Variants in TMC5 observed in about 807,000 individuals in gnomAD.
TMC5 encodes transmembrane channel like 5, also known as transmembrane channel-like protein 5.
In TMC5, 86 loss-of-function variants were observed where a neutral mutation model predicts 110.5. That is an observed-to-expected ratio of 0.78 (90% CI 0.65 to 0.93). The LOEUF (loss-of-function observed/expected upper bound fraction) is 0.93, where lower values mean the gene tolerates loss of function less well. TMC5 is among the 40% of genes least tolerant of loss of function. The pLI is 0.00. For synonymous variants in TMC5, 455 were observed against 439.5 expected (o/e 1.04, Z -0.44); for missense variants, 1,144 against 1,222.8 (o/e 0.94, Z 0.96).
At chr16:19,428,522 A>G (rs1236295900) in intron 1 of TMC5, among the ~76,000 whole-genome samples, 1 of 152,226 alleles carries the variant, frequency 6.6e-6, no homozygotes, top group Non-Finnish European at 1.5e-5. Flanking sequence ...ATTCAGTGTT[A>G]TAAGACGCAT....
At chr16:19,478,695 C>T (rs1968545177) in intron 13 of TMC5, among the ~76,000 whole-genome samples, 1 of 152,194 alleles carries the variant, frequency 6.6e-6, no homozygotes, top group African/African-American at 2.4e-5. Context: ...CGTATTCATT[C>T]ATGCATGCAT....
exon 1 of TMC5, chr16:19,411,149 A>C (rs1966854948): frequency 6.6e-6 from 1 of 152,276 alleles, no homozygotes; most frequent in Admixed American, 6.5e-5. Flanking sequence ...CCCGTTTCTC[A>C]GGTGCTTACT....
intron 6 of TMC5, chr16:19,462,463 A>G (rs1968047759): frequency 1.4e-6 from 1 of 698,478 alleles, no homozygotes; most frequent in Non-Finnish European, 2.6e-6. Flanking sequence ...TGGGTGATTT[A>G]TAAAGGAAAG....
intron 3 of TMC5, among the ~76,000 whole-genome samples, 161 bp from the exon 4 acceptor site, chr16:19,443,920 A>AATGGATGGATAC (rs1967549238): frequency 6.6e-6 from 1 of 151,498 alleles, no homozygotes; most frequent in Non-Finnish European, 1.5e-5. Flanking sequence ...TACATGATTG[A>AATGGATGGATAC]ATGGATGGAT....
chr16:19,452,158 G>A (rs149959169), intron 5 of TMC5, among the ~76,000 whole-genome samples: 1 of 152,156 alleles, frequency 6.6e-6, no homozygotes, highest in South Asian at 2.1e-4. Flanking sequence ...CCTTTGGTTT[G>A]GTTAATTTGC....
chr16:19,483,645 G>C (rs918067773), intron 15 of TMC5, among the ~76,000 whole-genome samples: 4 of 152,106 alleles, frequency 2.6e-5, no homozygotes, highest in Non-Finnish European at 2.9e-5. Flanking sequence ...AGGCGTGGTG[G>C]TGCATGCCTG....
At chr16:19,474,048 ATGGGAGACTTT>A in intron 11 of TMC5, 66 bp from the exon 12 acceptor site, 10 of 1,431,686 alleles carry the variant, frequency 7.0e-6, no homozygotes, top group Non-Finnish European at 9.4e-6. Flanking sequence ...GTTTTCTATC[ATGGGAGACTTT>A]TGAGTGAAGC....
intron 1 of TMC5, chr16:19,411,536 G>A (rs1230740582): frequency 2.0e-5 from 3 of 152,166 alleles, no homozygotes; most frequent in Non-Finnish European, 4.4e-5. Context: ...GTCAAACTCC[G>A]GAGACTGAAT....
intron 2 of TMC5, 132 bp from the exon 3 acceptor site, chr16:19,439,828 A>T: frequency 1.8e-6 from 1 of 546,494 alleles, no homozygotes. Flanking sequence ...ATCTAGAAAC[A>T]TAGTCTTTAT....
intron 4 of TMC5, among the ~76,000 whole-genome samples, chr16:19,444,922 G>A (rs1967578239): frequency 6.6e-6 from 1 of 152,208 alleles, no homozygotes; most frequent in Admixed American, 6.5e-5. Context: ...CCTGAGGTCA[G>A]GAGTTCGAGA....
At chr16:19,469,912 T>TTTTG in intron 10 of TMC5, 87 bp downstream of exon 10, 3 of 1,246,852 alleles carry the variant, frequency 2.4e-6, no homozygotes, top group Non-Finnish European at 2.2e-6. Context: ...TTTTTTTTTT[T>TTTTG]GAATTGGAGT....
intron 5 of TMC5, among the ~76,000 whole-genome samples, chr16:19,451,586 GA>G (rs1967750079): frequency 6.6e-6 from 1 of 151,966 alleles, no homozygotes; most frequent in African/African-American, 2.4e-5. Flanking sequence ...CATCAACACA[GA>G]AGGCTTCTGT....
At position 19,456,981 on chromosome 16, in the gene TMC5, T is replaced by C. The variant is rs774439163; in HGVS notation, c.1049-3254T>C. Reference sequence around the variant, plus strand: ...CTTCATAGCCTAGAATGCATGGGCATAGACACTCCTGGTTCTTCACATGAA... The same window carrying C: ...CTTCATAGCCTAGAATGCATGGGCACAGACACTCCTGGTTCTTCACATGAA... On this transcript the variant is annotated intron_variant, in intron 5 of 21. Coordinates refer to ENST00000542583, the MANE Select transcript of TMC5 (RefSeq NM_001261841.2). 5.0e-6 allele frequency: 8 copies of C among 1,613,440 alleles called. No individual in the cohort carries two copies. In the South Asian group the frequency reaches 7.7e-5, roughly 16 times the overall value.
chr16:19,410,540 G>C (rs1900627626), upstream of TMC5: 1 of 152,240 alleles, frequency 6.6e-6, no homozygotes, highest in Admixed American at 6.5e-5. Context: ...GTGGCCATCA[G>C]GTAAGGCTGG....
chr16:19,476,346 GAAGA>G (rs1484173017), intron 12 of TMC5, among the ~76,000 whole-genome samples: 2 of 151,986 alleles, frequency 1.3e-5, no homozygotes, highest in Middle Eastern at 3.2e-3. Flanking sequence ...GACCCTGTCG[GAAGA>G]AAGAAAGAGA....
intron 8 of TMC5, among the ~76,000 whole-genome samples, chr16:19,464,323 C>CTA (rs1282512017): frequency 3.3e-5 from 5 of 152,068 alleles, no homozygotes; most frequent in Non-Finnish European, 7.3e-5. Context: ...ACTCAGGAGG[C>CTA]TAAGGTAAGA....
chr16:19,426,378 C>A (rs2143384409), intron 1 of TMC5, among the ~76,000 whole-genome samples: 1 of 152,288 alleles, frequency 6.6e-6, no homozygotes, highest in South Asian at 2.1e-4. Context: ...GGGAGGATCC[C>A]TAGCCAAAGG....
chr16:19,442,761 C>CT (rs895445243), intron 3 of TMC5, among the ~76,000 whole-genome samples: 29 of 152,274 alleles, frequency 1.9e-4, no homozygotes, highest in African/African-American at 7.0e-4. Context: ...TGATAAAAAA[C>CT]TGGTGGCTTG....
rs536101288 is a variant in TMC5, at chr16:19,431,848, C to A, written c.-80+1208C>A. Among the ~76,000 whole-genome samples, 3 of 152,298 alleles carry A rather than the reference C, an allele frequency of 2.0e-5. No individual in the cohort carries two copies. In the South Asian group the frequency reaches 6.2e-4, roughly 32 times the overall value. Reference sequence around the variant, plus strand: ...CCATCTTCTGCTGGCACCTGTAGATCTAAAGCATTCTTTGTGACGGTTCCA... The same window carrying A: ...CCATCTTCTGCTGGCACCTGTAGATATAAAGCATTCTTTGTGACGGTTCCA... On this transcript the variant is annotated intron_variant, in intron 2 of 21. Coordinates refer to ENST00000542583, the MANE Select transcript of TMC5 (RefSeq NM_001261841.2).
Sources: allele counts gnomAD v4.1 joint callset (sites outside exome capture counted in the v4.1 genomes callset), GRCh38; gene constraint gnomAD v4.1.1; transcripts MANE v1.5; gene names NCBI Gene and HGNC (gene_info 2026-07-23, HGNC 2026-07-21).